Variants in ATE1 observed in about 807,000 individuals in gnomAD.
ATE1 encodes arginyltransferase 1, also known as arginyl-tRNA--protein transferase 1.
In ATE1, 36 loss-of-function variants were observed where a neutral mutation model predicts 70.5. The observed-to-expected ratio is 0.51, with a 90% CI of 0.39 to 0.67. The LOEUF (loss-of-function observed/expected upper bound fraction) is 0.67. Among genes scored for constraint, ATE1 ranks in the 30% least tolerant of loss-of-function variants. The probability of loss-of-function intolerance (pLI) is 0.00; values close to 1 mark genes in which losing one functional copy is unlikely to be tolerated. For missense variants in ATE1, 593 were observed against 629.5 expected, an observed-to-expected ratio of 0.94 and a Z score of 0.62; for synonymous variants, 232 against 219.3, an observed-to-expected ratio of 1.06 and a Z score of -0.51.
chr10:121,751,420 C>T (rs745523618), intron 11 of ATE1, among the ~76,000 whole-genome samples: 83 of 152,206 alleles, frequency 5.5e-4, no homozygotes, highest in Non-Finnish European at 7.2e-4. Flanking sequence ...CCTCATTTGA[C>T]ATTCCCACCA....
At chr10:121,858,408 T>C (rs1036437166) in intron 8 of ATE1, among the ~76,000 whole-genome samples, 9 of 152,048 alleles carry the variant, frequency 5.9e-5, no homozygotes, top group African/African-American at 9.7e-5. Flanking sequence ...TGGTTTTGAT[T>C]TGTATTTCCC....
At chr10:121,885,312 G>A (rs1950352824) in intron 7 of ATE1, among the ~76,000 whole-genome samples, 1 of 144,208 alleles carries the variant, frequency 6.9e-6, no homozygotes, top group African/African-American at 2.6e-5. Context: ...GCTCACACTT[G>A]TAATCCCAGC....
chr10:121,859,886 G>A (rs1032908058), intron 8 of ATE1, among the ~76,000 whole-genome samples: 1 of 152,148 alleles, frequency 6.6e-6, no homozygotes, highest in Non-Finnish European at 1.5e-5. Context: ...AGGTTGCAGC[G>A]AGCAAGATCG....
At chr10:121,823,294 AAAAACAAAAAC>A (rs1232709173) in intron 10 of ATE1, among the ~76,000 whole-genome samples, 3 of 152,168 alleles carry the variant, frequency 2.0e-5, no homozygotes, top group Non-Finnish European at 4.4e-5. Flanking sequence ...CCTCTCAAAA[AAAAACAAAAAC>A]AAAACAAAAC....
chr10:121,751,884 G>A (rs116157242), intron 11 of ATE1, among the ~76,000 whole-genome samples: 1,562 of 152,160 alleles, frequency 0.01, 11 homozygotes, highest in African/African-American at 0.027. Flanking sequence ...ACTGCCCAGT[G>A]CAAGGTGATG....
At chr10:121,787,689 T>A (rs1432979168) in intron 11 of ATE1, among the ~76,000 whole-genome samples, 1 of 152,202 alleles carries the variant, frequency 6.6e-6, no homozygotes, top group Non-Finnish European at 1.5e-5. Context: ...GAAAAGAACA[T>A]ACAATATATT....
chr10:121,881,557 G>A (rs1452058627), intron 7 of ATE1, among the ~76,000 whole-genome samples: 1 of 151,706 alleles, frequency 6.6e-6, no homozygotes, highest in Non-Finnish European at 1.5e-5. Flanking sequence ...GGAAGCTGAG[G>A]CAGGAGAATC....
chr10:121,843,276 G>T (rs530842319), intron 8 of ATE1, among the ~76,000 whole-genome samples: 6 of 152,018 alleles, frequency 3.9e-5, no homozygotes, highest in African/African-American at 1.2e-4. Flanking sequence ...ACAAAACTCC[G>T]ACAAAAGGAA....
chr10:121,904,640 CAAAAAA>C (rs778557337), intron 5 of ATE1, among the ~76,000 whole-genome samples: 1 of 46,490 alleles, frequency 2.2e-5, no homozygotes, highest in Non-Finnish European at 4.5e-5. Context: ...GACTCCGTCT[CAAAAAA>C]AAAAAAAAAA....
intron 9 of ATE1, among the ~76,000 whole-genome samples, chr10:121,837,640 A>T (rs557813675): frequency 6.6e-6 from 1 of 152,300 alleles, no homozygotes; most frequent in East Asian, 1.9e-4. Flanking sequence ...AAAGAAATGT[A>T]TTTGTAATGC....
intron 8 of ATE1, among the ~76,000 whole-genome samples, chr10:121,845,126 G>A (rs1380603669): frequency 1.3e-5 from 2 of 152,144 alleles, no homozygotes; most frequent in Non-Finnish European, 2.9e-5. Flanking sequence ...TTTTGTGCAA[G>A]TGACTTTATC....
intron 11 of ATE1, among the ~76,000 whole-genome samples, chr10:121,755,959 TCTCAA>T (rs1313459677): frequency 9.2e-5 from 14 of 152,044 alleles, no homozygotes; most frequent in Admixed American, 9.2e-4. Context: ...TCCCCCAACA[TCTCAA>T]CTCATTTCAG....
chr10:121,916,850 A>AC (rs201592166), intron 3 of ATE1, among the ~76,000 whole-genome samples: 19,776 of 150,578 alleles, frequency 0.13, 1,489 homozygotes, highest in East Asian at 0.19. Flanking sequence ...AAAAAAAAAA[A>AC]TCCCCAAGAT....
chr10:121,887,047 A>T (rs1210114579), intron 7 of ATE1, among the ~76,000 whole-genome samples: 1 of 151,462 alleles, frequency 6.6e-6, no homozygotes, highest in African/African-American at 2.5e-5. Flanking sequence ...ACTTGTAATT[A>T]TCCTTTTAAT....
At position 121,841,150 on chromosome 10, in the gene ATE1, TAC is replaced by T; in HGVS notation, c.1087_1088del (p.Val363IlefsTer10). On this transcript the variant is annotated frameshift_variant, in exon 9 of 12. Transcript: ENST00000224652. LOFTEE classifies it high-confidence loss of function. ...GATCGTAGTACAAATACACAGATGA[TAC>T]ACAGTTTGGGAGGATGTCAATCACC... ...VGVIDILPNC[V>X]SSVYLYYDPD... is the part of the protein sequence containing the mutation. 1 of 1,598,718 alleles carries T rather than the reference TAC, an allele frequency of 6.3e-7. No homozygotes were observed. Among genetic ancestry groups the T allele is most frequent in the Non-Finnish European group, 8.5e-7 (1 of 1,170,292 alleles).
chr10:121,927,849 G>C lies in ATE1; in HGVS notation c.101C>G (p.Ser34Cys), dbSNP rs367760736. The C allele has an allele frequency of 3.6e-4, 560 of 1,575,734 alleles. 10 individuals are homozygous for C. The South Asian group carries it at 6.1e-3, about 17-fold the overall frequency. Residue 34 changes from serine to cysteine, a missense_variant, in exon 1 of 12, where the codon TCC becomes TGC. Physicochemically the swap from Ser to Cys is moderately radical, Grantham distance 112 (BLOSUM62 -1). Coordinates refer to ENST00000224652, the MANE Select transcript of ATE1 (RefSeq NM_001001976.3). ...GYCKNESGSR[S>C]NGMWAHSMTV... ...CGCCGGCCCGGCTCGCTCACCATTG[G>C]AGCGGCTGCCCGACTCGTTCTTGCA... is the stretch of plus-strand genomic sequence containing the variant.
At chr10:121,759,336 A>C (rs1944937140) in intron 11 of ATE1, among the ~76,000 whole-genome samples, 1 of 152,222 alleles carries the variant, frequency 6.6e-6, no homozygotes, top group African/African-American at 2.4e-5. Flanking sequence ...AATTCTCTAA[A>C]GGCTGAGAGG....
intron 11 of ATE1, among the ~76,000 whole-genome samples, chr10:121,750,139 ACC>A (rs1456149271): frequency 1.3e-5 from 2 of 152,038 alleles, no homozygotes; most frequent in Non-Finnish European, 2.9e-5. Flanking sequence ...TCCTTACAAA[ACC>A]CCTTTATAAT....
chr10:121,778,513 G>A (rs1012267604), intron 11 of ATE1, among the ~76,000 whole-genome samples: 7 of 146,006 alleles, frequency 4.8e-5, no homozygotes, highest in South Asian at 2.2e-4. Flanking sequence ...GGACATTACC[G>A]TTCTTACACC....
Sources: allele counts gnomAD v4.1 joint callset (sites outside exome capture counted in the v4.1 genomes callset), GRCh38; gene constraint gnomAD v4.1.1; transcripts MANE v1.5; gene names NCBI Gene and HGNC (gene_info 2026-07-23, HGNC 2026-07-21).